LUZP2: variants seen among roughly 807,000 people sequenced by gnomAD.
The protein encoded by LUZP2 is leucine zipper protein 2.
LUZP2 carries 52 observed loss-of-function variants against 51.6 expected under a neutral mutation model. The ratio of observed to expected loss-of-function variants is 1.01; its 90% CI spans 0.81 to 1.27. The LOEUF is 1.27. Among genes scored for constraint, LUZP2 ranks in the 50% most tolerant of loss-of-function variants. LUZP2 has a pLI of 0.00. For synonymous variants in LUZP2, 154 were observed against 137.3 expected (o/e 1.12, Z -0.85); for missense variants, 436 against 395.4 (o/e 1.10, Z -0.87).
chr11:24,833,731 CTT>C (rs1850774779), intron 5 of LUZP2, among the ~76,000 whole-genome samples: 5 of 151,270 alleles, frequency 3.3e-5, no homozygotes, highest in African/African-American at 7.3e-5. Flanking sequence ...CACACACACA[CTT>C]GATTCCATTG....
chr11:25,060,843 C>CT (rs1773717983), intron 10 of LUZP2, among the ~76,000 whole-genome samples: 1 of 152,076 alleles, frequency 6.6e-6, no homozygotes, highest in African/African-American at 2.4e-5. Context: ...TCTTCCTCTT[C>CT]TTTTTTCTAT....
intron 5 of LUZP2, among the ~76,000 whole-genome samples, chr11:24,870,470 T>TACACAC (rs377460741): frequency 2.1e-4 from 27 of 130,690 alleles, no homozygotes; most frequent in African/African-American, 3.1e-4. Flanking sequence ...CACCAGTTCC[T>TACACAC]ACACACACAC....
chr11:24,903,204 A>T (rs551300657), intron 5 of LUZP2, among the ~76,000 whole-genome samples: 24 of 152,168 alleles, frequency 1.6e-4, no homozygotes, highest in Non-Finnish European at 3.2e-4. Context: ...ATCTCTTCAA[A>T]TATGGAATTA....
At chr11:24,892,331 A>T in intron 5 of LUZP2, 1 of 985,440 alleles carries the variant, frequency 1.0e-6, no homozygotes, top group Non-Finnish European at 1.2e-6. Flanking sequence ...TGGCCTCGAA[A>T]GACATTCAAA....
At chr11:24,564,422 C>G (rs1392582045) in intron 1 of LUZP2, among the ~76,000 whole-genome samples, 3 of 152,026 alleles carry the variant, frequency 2.0e-5, no homozygotes, top group Non-Finnish European at 4.4e-5. Flanking sequence ...ATTACTATCA[C>G]AAAAATAACA....
At chr11:24,928,414 T>G (rs1247828923) in intron 7 of LUZP2, among the ~76,000 whole-genome samples, 1 of 152,064 alleles carries the variant, frequency 6.6e-6, no homozygotes, top group Admixed American at 6.5e-5. Flanking sequence ...CTATGCTGAT[T>G]TTGCTTAGGG....
At chr11:25,060,956 T>G (rs1377959054) in intron 10 of LUZP2, among the ~76,000 whole-genome samples, 1 of 152,162 alleles carries the variant, frequency 6.6e-6, no homozygotes, top group African/African-American at 2.4e-5. Flanking sequence ...AGTAATCTAT[T>G]TTTTGTTGAT....
At chr11:24,610,201 C>T (rs1385598815) in intron 1 of LUZP2, among the ~76,000 whole-genome samples, 1 of 152,130 alleles carries the variant, frequency 6.6e-6, no homozygotes, top group Non-Finnish European at 1.5e-5. Context: ...AGCAAAGTTG[C>T]TAAATGAATA....
chr11:24,624,903 C>A (rs1173812865), intron 1 of LUZP2, among the ~76,000 whole-genome samples: 1 of 151,602 alleles, frequency 6.6e-6, no homozygotes, highest in Non-Finnish European at 1.5e-5. Context: ...AGATGATAGA[C>A]CATAGTAAAA....
At chr11:25,015,369 A>G (rs974631493) in intron 9 of LUZP2, among the ~76,000 whole-genome samples, 13 of 152,318 alleles carry the variant, frequency 8.5e-5, no homozygotes, top group Admixed American at 3.3e-4. Context: ...TAGCATTTGT[A>G]CAATACTATT....
rs1336286928 is a variant in LUZP2 at position 24,911,854 on chromosome 11, A to G, written c.460-2622A>G. ...ATAAAGTCAAGGTACTGAGGGGTCA[A>G]TGTGAGTTTTCATTCATAAAAGCCA... On this transcript the variant is annotated intron_variant, in intron 6 of 11. Coordinates refer to ENST00000336930, the MANE Select transcript of LUZP2 (RefSeq NM_001009909.4). Among the ~76,000 whole-genome samples the G allele has an allele frequency of 2.6e-5, 4 of 152,204 alleles. No individual in the cohort carries two copies. In the East Asian group the frequency reaches 7.7e-4, roughly 29 times the overall value.
chr11:24,757,587 C>T lies in LUZP2; in HGVS notation c.334-5659C>T, dbSNP rs895237982. 5.9e-5 allele frequency among the ~76,000 whole-genome samples: 9 copies of T among 151,336 alleles called. No homozygotes were observed. The South Asian group carries it at 6.2e-4, about 10-fold the overall frequency. ...CAGAAGCTCAAACTCAATGTACTAA[C>T]GAAAGAGAATTATAAAGACTAGACA... On this transcript the variant is annotated intron_variant, in intron 4 of 11. Transcript: ENST00000336930.
At chr11:24,569,867 T>C (rs1852375617) in intron 1 of LUZP2, among the ~76,000 whole-genome samples, 1 of 132,186 alleles carries the variant, frequency 7.6e-6, no homozygotes. Flanking sequence ...AAATTTAAAA[T>C]ATTTATAAGT....
chr11:24,818,096 A>C (rs980782460), intron 5 of LUZP2, among the ~76,000 whole-genome samples: 2 of 152,016 alleles, frequency 1.3e-5, no homozygotes, highest in Non-Finnish European at 2.9e-5. Context: ...ATTTTTTTAA[A>C]AACAACTTTG....
At chr11:24,551,488 T>G (rs1292445406) in intron 1 of LUZP2, among the ~76,000 whole-genome samples, 1 of 152,022 alleles carries the variant, frequency 6.6e-6, no homozygotes, top group Non-Finnish European at 1.5e-5. Context: ...TTCCTTTTAG[T>G]GGTGTTGAAA....
chr11:24,795,138 A>G (rs1486682), intron 5 of LUZP2, among the ~76,000 whole-genome samples: 121,200 of 152,054 alleles, frequency 0.8, 48,363 homozygotes, highest in East Asian at 0.87. Flanking sequence ...CCACTAACAT[A>G]GTAATCATAT....
intron 5 of LUZP2, among the ~76,000 whole-genome samples, chr11:24,807,218 G>C (rs748447160): frequency 2.8e-4 from 42 of 152,064 alleles, no homozygotes; most frequent in Non-Finnish European, 1.5e-5. Context: ...CATTTTGGGA[G>C]GCCAAGGTGG....
intron 5 of LUZP2, among the ~76,000 whole-genome samples, chr11:24,780,017 G>T (rs566376785): frequency 1.3e-5 from 2 of 152,224 alleles, no homozygotes; most frequent in South Asian, 4.1e-4. Context: ...AACACAGCTT[G>T]CTCCTGATTC....
At chr11:24,871,043 A>G (rs965782121) in intron 5 of LUZP2, among the ~76,000 whole-genome samples, 2 of 152,008 alleles carry the variant, frequency 1.3e-5, no homozygotes, top group African/African-American at 4.8e-5. Flanking sequence ...ATTTAGGTCC[A>G]TTCTTAGGAA....
Sources: gnomAD v4.1 joint callset for allele counts (sites outside exome capture counted in the v4.1 genomes callset) on GRCh38, gnomAD v4.1.1 for gene constraint, MANE v1.5 for transcripts, NCBI Gene and HGNC (gene_info 2026-07-23, HGNC 2026-07-21) for gene names.